The following TNIP1 variants were observed in gnomAD, a reference collection of about 807,000 sequenced individuals.
The protein encoded by TNIP1 is TNFAIP3-interacting protein 1.
A neutral mutation model predicts 86.6 loss-of-function variants in TNIP1; 22 were observed. The ratio of observed to expected loss-of-function variants is 0.25; its 90% CI spans 0.18 to 0.36. TNIP1 has a LOEUF of 0.36. Among genes scored for constraint, TNIP1 ranks in the 10% least tolerant of loss-of-function variants. The pLI, the probability that TNIP1 is intolerant of heterozygous loss-of-function variation, is 1.00. For missense variants in TNIP1, 709 were observed against 820.6 expected (o/e 0.86, Z 1.66); for synonymous variants, 294 against 313.0 (o/e 0.94, Z 0.64).
At chr5:151,067,778 G>A (rs1762405322) in intron 1 of TNIP1, among the ~76,000 whole-genome samples, 1 of 152,098 alleles carries the variant, frequency 6.6e-6, no homozygotes, top group Middle Eastern at 3.2e-3. Context: ...CCTTGACCCC[G>A]ACCCCGCCTC....
intron 11 of TNIP1, among the ~76,000 whole-genome samples, chr5:151,041,309 G>A (rs1179387304): frequency 6.6e-6 from 1 of 152,108 alleles, no homozygotes; most frequent in African/African-American, 2.4e-5. Flanking sequence ...GATCTCAAGT[G>A]ATCCGCCCAC....
intron 16 of TNIP1, chr5:151,033,365 T>G: frequency 2.6e-6 from 1 of 381,492 alleles, no homozygotes; most frequent in East Asian, 3.9e-5. Flanking sequence ...GCACTCTTAC[T>G]CAGCCTTCTC....
At chr5:151,052,364 C>G in intron 6 of TNIP1, 105 bp from the exon 7 acceptor site, 3 of 903,380 alleles carry the variant, frequency 3.3e-6, no homozygotes, top group Non-Finnish European at 5.2e-6. Flanking sequence ...CAGGGCCCAA[C>G]TCCTTATCCC....
rs1409105763 is a variant in TNIP1, at chr5:151,033,578, C to T, written c.1779+30G>A. On this transcript the variant is annotated intron_variant, in intron 16 of 17. Coordinates refer to ENST00000521591, the MANE Select transcript of TNIP1 (RefSeq NM_006058.5). The stretch of plus-strand genomic sequence containing the variant: ...GTGTCTGGGGCAGCCTCTGTGTGTG[C>T]CCTGGAGCAAGGGAGGGACACAGAC... 4.3e-6 allele frequency: 6 copies of T among 1,406,104 alleles called. No homozygotes were observed. In the South Asian group the frequency reaches 8.1e-5, roughly 19 times the overall value. 87.1% of individuals were successfully genotyped at this position (1,406,104 alleles called of 1,614,324 possible). A position where few individuals can be genotyped will look rare whatever the true frequency, so the allele number is the denominator to read the frequency against.
chr5:151,082,533 C>T (rs577439463), upstream of TNIP1, among the ~76,000 whole-genome samples: 10 of 152,210 alleles, frequency 6.6e-5, no homozygotes, highest in African/African-American at 2.4e-4. Flanking sequence ...CTGCAGGGCT[C>T]TCTTCCTATT....
chr5:151,047,730 G>C (rs771371496), intron 8 of TNIP1, among the ~76,000 whole-genome samples: 3 of 152,064 alleles, frequency 2.0e-5, no homozygotes, highest in Non-Finnish European at 4.4e-5. Flanking sequence ...CAAGTGCTGG[G>C]GTGAAACAGC....
At chr5:151,085,761 C>G (rs1164684053), upstream of TNIP1, among the ~76,000 whole-genome samples, 4 of 152,234 alleles carry the variant, frequency 2.6e-5, no homozygotes, top group Non-Finnish European at 5.9e-5. Context: ...AGGGTTGCCC[C>G]TTGTCATCCT....
At chr5:151,032,420 A>G (rs1034266543) in intron 16 of TNIP1, 37 bp from the exon 17 acceptor site, 2 of 1,598,040 alleles carry the variant, frequency 1.3e-6, no homozygotes, top group Non-Finnish European at 1.7e-6. Flanking sequence ...CAATAATCAC[A>G]CCCAAAAATT....
chr5:151,048,258 G>A (rs562061961), intron 8 of TNIP1, among the ~76,000 whole-genome samples: 2 of 152,212 alleles, frequency 1.3e-5, no homozygotes, highest in South Asian at 2.1e-4. Context: ...AGGAGTCCAC[G>A]TGGAGTCAGC....
upstream of TNIP1, among the ~76,000 whole-genome samples, chr5:151,084,444 CAAA>C (rs56889305): frequency 0.081 from 10,684 of 132,438 alleles, 507 homozygotes; most frequent in East Asian, 0.26. Flanking sequence ...GACTTCGTCT[CAAA>C]AAAAAAAAAA....
At chr5:151,038,918 A>C (rs1182823056) in intron 12 of TNIP1, among the ~76,000 whole-genome samples, 179 bp downstream of exon 12, 5 of 152,020 alleles carry the variant, frequency 3.3e-5, no homozygotes, top group Admixed American at 1.3e-4. Flanking sequence ...AGGCTAATTC[A>C]AGGGCTGAGT....
chr5:151,047,705 T>TA (rs60038106), intron 8 of TNIP1, among the ~76,000 whole-genome samples: 148 of 147,632 alleles, frequency 1.0e-3, no homozygotes, highest in African/African-American at 3.0e-3. Context: ...GTTTAAAGGT[T>TA]AAAAAAAAAA....
Position 151,049,926 on chromosome 5 carries a change from C to T in TNIP1, c.744G>A (p.Lys248=). The T allele has an allele frequency of 6.2e-7, 1 of 1,614,182 alleles. No individual in the cohort carries two copies. Among genetic ancestry groups the T allele is most frequent in the Middle Eastern group, 1.7e-4 (1 of 6,060 alleles). Residue 248 remains lysine, a synonymous_variant, in exon 8 of 18, where the codon AAG becomes AAA. Coordinates refer to ENST00000521591, the MANE Select transcript of TNIP1 (RefSeq NM_006058.5). ...TGTTGCCATTGCTCATCAACAACTT[C>T]TTGAGCTCCAAATTTTCCTCCCTGG... is the stretch of plus-strand genomic sequence containing the variant. ...ERLREENLEL[K]KLLMSNGNKE...
upstream of TNIP1, among the ~76,000 whole-genome samples, chr5:151,085,760 C>T (rs1359269530): frequency 6.6e-6 from 1 of 152,228 alleles, no homozygotes; most frequent in East Asian, 1.9e-4. Flanking sequence ...CAGGGTTGCC[C>T]CTTGTCATCC....
At chr5:151,075,203 G>A (rs1763243638) in intron 1 of TNIP1, among the ~76,000 whole-genome samples, 1 of 152,092 alleles carries the variant, frequency 6.6e-6, no homozygotes. Context: ...TCTTGTTGGT[G>A]GCTGATGAAG....
chr5:151,033,460 G>A (rs1757184391), intron 16 of TNIP1, 148 bp downstream of exon 16: 1 of 525,134 alleles, frequency 1.9e-6, no homozygotes, highest in African/African-American at 2.0e-5. Context: ...GCAGCCCAGA[G>A]CCAGGCCCTG....
rs770141726 is a variant in TNIP1 at position 151,039,356 on chromosome 5, C to T, written c.1135-131G>A. ...CTTCACAATGCTCACATGCAAAGCA[C>T]CTGGGGTCGGTACAGTAATGTCCAT... On this transcript the variant is annotated intron_variant, in intron 11 of 17. Coordinates refer to ENST00000521591, the MANE Select transcript of TNIP1 (RefSeq NM_006058.5). 8.1e-5 allele frequency: 82 copies of T among 1,015,720 alleles called. No individual in the cohort carries two copies. The South Asian group carries it at 8.7e-4, about 11-fold the overall frequency. 62.9% of individuals were successfully genotyped at this position (1,015,720 alleles called of 1,614,324 possible). A position where few individuals can be genotyped will look rare whatever the true frequency, so the allele number is the denominator to read the frequency against.
upstream of TNIP1, among the ~76,000 whole-genome samples, chr5:151,082,962 G>A (rs1236828088): frequency 1.3e-5 from 2 of 152,154 alleles, no homozygotes; most frequent in South Asian, 4.1e-4. Context: ...TGAGTCCTCT[G>A]TCTAGAAAAG....
At chr5:151,074,952 ATTGTTTG>A (rs1183124084) in intron 1 of TNIP1, among the ~76,000 whole-genome samples, 1 of 152,130 alleles carries the variant, frequency 6.6e-6, no homozygotes, top group Non-Finnish European at 1.5e-5. Flanking sequence ...TAATTTTTGT[ATTGTTTG>A]CAGAGATGGG....
Sources: gnomAD v4.1 joint callset for allele counts (sites outside exome capture counted in the v4.1 genomes callset) on GRCh38, gnomAD v4.1.1 for gene constraint, MANE v1.5 for transcripts, NCBI Gene and HGNC (gene_info 2026-07-23, HGNC 2026-07-21) for gene names.